APOB: variants seen among roughly 807,000 people sequenced by gnomAD.
APOB encodes apolipoprotein B, also known as apolipoprotein B-100.
A neutral mutation model predicts 314.1 loss-of-function variants in APOB; 153 were observed. The ratio of observed to expected loss-of-function variants is 0.49; its 90% CI spans 0.43 to 0.56. The LOEUF (loss-of-function observed/expected upper bound fraction) is 0.56, where lower values mean the gene tolerates loss of function less well. APOB is among the 20% of genes least tolerant of loss of function. The pLI is 0.00. For missense variants in APOB, 5,430 were observed against 5,350.7 expected, an observed-to-expected ratio of 1.01 and a Z score of -0.46; for synonymous variants, 2,087 against 2,036.4, an observed-to-expected ratio of 1.02 and a Z score of -0.67.
At chr2:21,014,322 T>G in intron 24 of APOB, 126 bp downstream of exon 24, 1 of 1,146,972 alleles carries the variant, frequency 8.7e-7, no homozygotes, top group Non-Finnish European at 1.2e-6. Flanking sequence ...GTGCTATAGT[T>G]ATTAATCTCC....
chr2:21,009,263 G>A lies in APOB; in HGVS notation c.7605C>T (p.Tyr2535=), dbSNP rs1553383473. 3.7e-6 allele frequency: 6 copies of A among 1,614,064 alleles called. No individual in the cohort carries two copies. Among genetic ancestry groups the A allele is most frequent in the South Asian group, 2.2e-5 (2 of 91,082 alleles). Residue 2535 remains tyrosine, a synonymous_variant, in exon 26 of 29, where the codon TAC becomes TAT. Coordinates refer to ENST00000233242, the MANE Select transcript of APOB (RefSeq NM_000384.3). ...TATAAACCTGGCCTACCAGAGACAGGTATCGTTGAAGTTCCTGCTGAATGT... is the reference window on the plus strand; with the variant it reads ...TATAAACCTGGCCTACCAGAGACAGATATCGTTGAAGTTCCTGCTGAATGT... The part of the protein sequence containing the change: ...QMDIQQELQR[Y]LSLVGQVYST...
Position 21,015,351 on chromosome 2 carries a change from C to CAGGG in APOB, c.3508+15_3508+18dup, listed in dbSNP as rs769906394. On this transcript the variant is annotated intron_variant, in intron 22 of 28. Coordinates refer to ENST00000233242, the MANE Select transcript of APOB (RefSeq NM_000384.3). Reference sequence around the variant, plus strand: ...CTGCATTACTTTGGAAGTGCTCACACAGGGGAAGAGACACATACCATAATG... The same window carrying CAGGG: ...CTGCATTACTTTGGAAGTGCTCACACAGGGAGGGGAAGAGACACATACCATAATG... 32 of 1,614,042 alleles carry CAGGG rather than the reference C, an allele frequency of 2.0e-5. No homozygotes were observed. In the South Asian group the frequency reaches 3.5e-4, roughly 18 times the overall value.
Position 21,005,941 on chromosome 2 carries a change from A to T in APOB, c.10927T>A (p.Ser3643Thr). The T allele has an allele frequency of 6.2e-7, 1 of 1,613,828 alleles. No homozygotes were observed. Among genetic ancestry groups the T allele is most frequent in the African/African-American group, 1.3e-5 (1 of 74,996 alleles). Residue 3643 changes from serine to threonine, a missense_variant, in exon 26 of 29, where the codon TCT (serine) becomes ACT (threonine). By Grantham distance (58) the Ser-to-Thr change is moderately conservative (BLOSUM62 1). Coordinates refer to ENST00000233242, the MANE Select transcript of APOB (RefSeq NM_000384.3). ...WKNEVRIHSG[S>T]FQSQVELSND... ...GAAAGCTCGACCTGGCTCTGGAAAGACCCAGAATGAATCCGGACTTCATTT... is the reference window on the plus strand; with the variant it reads ...GAAAGCTCGACCTGGCTCTGGAAAGTCCCAGAATGAATCCGGACTTCATTT...
chr2:21,028,053 T>G lies in APOB; in HGVS notation c.1842A>C (p.Leu614Phe). 6.2e-7 allele frequency: 1 copy of G among 1,608,292 alleles called. No individual in the cohort carries two copies. The highest frequency in any genetic ancestry group is 1.1e-5 in the South Asian group (1 of 90,882). ...EELDIQDLKKLVKEALKESQL... is the reference protein window; with the variant it reads ...EELDIQDLKKFVKEALKESQL... ...GAGATTCTTTCAGAGCTTCTTTCAC[T>G]AACTTTTTCAGACTAGATAAGAAGA... The change falls in exon 14 of 29, where the codon TTA becomes TTC. Residue 614 changes from leucine (L) to phenylalanine (F), a missense_variant. Coordinates refer to ENST00000233242, the MANE Select transcript of APOB (RefSeq NM_000384.3).
rs749245462 is a variant in APOB at position 21,003,137 on chromosome 2, G to A, written c.12285C>T (p.Leu4095=). 3.7e-6 allele frequency: 6 copies of A among 1,611,862 alleles called. No individual in the cohort carries two copies. Among genetic ancestry groups the A allele is most frequent in the South Asian group, 3.3e-5 (3 of 90,890 alleles). Reference sequence around the variant, plus strand: ...GCTTTGAAGACACTTCTCTCAGGGTGAGCCCTGTGTGTTCCCAGTGGTACT... The same window carrying A: ...GCTTTGAAGACACTTCTCTCAGGGTAAGCCCTGTGTGTTCCCAGTGGTACT... The part of the protein sequence containing the change: ...VNKYHWEHTG[L]TLREVSSKLR... The change falls in exon 29 of 29, where the codon CTC becomes CTT. Residue 4095 remains leucine, a synonymous_variant. Coordinates refer to ENST00000233242, the MANE Select transcript of APOB (RefSeq NM_000384.3).
At chr2:21,032,716 T>A (rs1289870017) in intron 9 of APOB, 135 bp from the exon 10 acceptor site, 2 of 736,786 alleles carry the variant, frequency 2.7e-6, no homozygotes, top group Admixed American at 2.0e-5. Flanking sequence ...AAACCCAACT[T>A]GGAGCTCAGA....
intron 26 of APOB, 82 bp downstream of exon 26, chr2:21,004,998 C>G: frequency 6.4e-7 from 1 of 1,556,462 alleles, no homozygotes; most frequent in Non-Finnish European, 8.8e-7. Context: ...TACATCTACT[C>G]ACAACTAAAT....
chr2:21,037,825 C>T (rs556826178), intron 5 of APOB, 133 bp downstream of exon 5: 48 of 1,172,108 alleles, frequency 4.1e-5, no homozygotes, highest in African/African-American at 1.2e-4. Context: ...CAGTATTTCA[C>T]GCCAATCCAG....
chr2:21,037,320 G>A, intron 5 of APOB, 65 bp from the exon 6 acceptor site: 2 of 1,499,346 alleles, frequency 1.3e-6, no homozygotes, highest in South Asian at 1.2e-5. Context: ...TACTTGGGAG[G>A]GATGGGGTGG....
At position 21,029,661 on chromosome 2, in the gene APOB, C is replaced by T. The variant is rs753831464; in HGVS notation, c.1595G>A (p.Arg532Gln). ...TACCTTGTCTTTAGGCTCCATTTTC[C>T]GCAGAGCCTGGATGGCAGCTTTCTG... ...MIQKAAIQAL[R>Q]KMEPKDKDQE... Residue 532 changes from arginine (R) to glutamine (Q), a missense_variant, in exon 12 of 29, where the codon CGG becomes CAG. Arg to Gln is a conservative substitution (Grantham distance 43, BLOSUM62 1). Transcript: ENST00000233242. 28 of 1,614,072 alleles carry T rather than the reference C, an allele frequency of 1.7e-5. No individual in the cohort carries two copies. Among genetic ancestry groups the T allele is most frequent in the South Asian group, 1.2e-4 (11 of 91,078 alleles).
rs1252393667 is a variant in APOB, at chr2:21,013,339, T to C, written c.4037A>G (p.Tyr1346Cys). ...QVPTFTIPKL[Y>C]QLQVPLLGVL... ...ACCCAGGAGAGGCACTTGCAGTTGATACAACTTGGGAATGGTAAAAGTAGG... is the reference window on the plus strand; with the variant it reads ...ACCCAGGAGAGGCACTTGCAGTTGACACAACTTGGGAATGGTAAAAGTAGG... The change falls in exon 25 of 29, where the codon TAT becomes TGT. Residue 1346 changes from tyrosine (Y) to cysteine (C), a missense_variant. Transcript: ENST00000233242. 3 of 1,614,162 alleles carry C rather than the reference T, an allele frequency of 1.9e-6. No homozygotes were observed. Among genetic ancestry groups the C allele is most frequent in the East Asian group, 4.5e-5 (2 of 44,886 alleles).
chr2:21,005,811 T>A lies in APOB; in HGVS notation c.11057A>T (p.Asp3686Val), dbSNP rs1290646760. ...ILPVYDKSLW[D>V]FLKLDVTTSI... ...GGTGGTTACATCCAGCTTTAGGAAA[T>A]CCCATAAGCTCTTGTCATAGACTGG... Residue 3686 changes from aspartate (D) to valine (V), a missense_variant, in exon 26 of 29, where the codon GAT (aspartate) becomes GTT (valine). Transcript: ENST00000233242. 5 of 1,613,886 alleles carry A rather than the reference T, an allele frequency of 3.1e-6. No individual in the cohort carries two copies. Among genetic ancestry groups the A allele is most frequent in the African/African-American group, 2.7e-5 (2 of 74,884 alleles).
chr2:21,027,770 T>C, intron 14 of APOB, 58 bp downstream of exon 14: 1 of 1,350,852 alleles, frequency 7.4e-7, no homozygotes, highest in Non-Finnish European at 1.1e-6. Flanking sequence ...TCCCAGGGAC[T>C]CTCTGTTTAT....
intron 9 of APOB, among the ~76,000 whole-genome samples, chr2:21,033,015 T>C (rs993454778): frequency 2.0e-5 from 3 of 152,192 alleles, no homozygotes; most frequent in African/African-American, 7.2e-5. Flanking sequence ...GCACCTGCAA[T>C]AGACCTAGGA....
Position 21,011,196 on chromosome 2 carries a change from T to G in APOB, c.5672A>C (p.His1891Pro), listed in dbSNP as rs1663309781. The change falls in exon 26 of 29, where the codon CAT becomes CCT. Residue 1891 changes from histidine to proline, a missense_variant. His to Pro is a moderately conservative substitution (Grantham distance 77). Around this residue, in one of 3 missense-constraint regions of APOB, gnomAD observed 3,281 missense variants for 3,171.0 expected, o/e 1.03. Coordinates refer to ENST00000233242, the MANE Select transcript of APOB (RefSeq NM_000384.3). ...MSTNYNSDSL[H>P]FSNVFRSVMA... ...TACAGAACGGAAGACATTGCTGAAA[T>G]GCAGTGAGTCTGAATTATAGTTTGT... 1 of 1,614,052 alleles carries G rather than the reference T, an allele frequency of 6.2e-7. No individual in the cohort carries two copies. Among genetic ancestry groups the G allele is most frequent in the African/African-American group, 1.3e-5 (1 of 74,926 alleles).
In APOB at chr2:21,035,566, G is replaced by A. The variant is rs759735209; in HGVS notation, c.818+18C>T. ...TGACCCATTAAATGACAAATCAGGG[G>A]TGCATCACATGACCTACTTGTAGGA... is the stretch of plus-strand genomic sequence containing the variant. On this transcript the variant is annotated intron_variant, in intron 7 of 28. Coordinates refer to ENST00000233242, the MANE Select transcript of APOB (RefSeq NM_000384.3). 9 of 1,613,816 alleles carry A rather than the reference G, an allele frequency of 5.6e-6. No individual in the cohort carries two copies. The highest frequency in any genetic ancestry group is 6.8e-6 in the Non-Finnish European group (8 of 1,179,972).
In APOB at chr2:21,007,711, C is replaced by T; in HGVS notation, c.9157G>A (p.Glu3053Lys). The change falls in exon 26 of 29, where the codon GAA (glutamate) becomes AAA (lysine). Residue 3053 changes from glutamate to lysine, a missense_variant. By Grantham distance (56) the Glu-to-Lys change is moderately conservative (BLOSUM62 1). Transcript: ENST00000233242. The stretch of plus-strand genomic sequence containing the variant: ...GGAAAACGAACTTTCAAATTCCCTT[C>T]ATTGTTTGTGGATGCCGTGATCTCA... ...PFEITASTNN[E>K]GNLKVRFPLR... 1 of 1,614,078 alleles carries T rather than the reference C, an allele frequency of 6.2e-7. No homozygotes were observed. Among genetic ancestry groups the T allele is most frequent in the Non-Finnish European group, 8.5e-7 (1 of 1,179,954 alleles).
intron 25 of APOB, 91 bp from the exon 26 acceptor site, chr2:21,012,742 A>AT (rs1251141567): frequency 1.4e-6 from 2 of 1,428,964 alleles, no homozygotes; most frequent in African/African-American, 1.4e-5. Context: ...ATAAAGCCCC[A>AT]TTTTTCTGGG....
chr2:21,001,645 A>G lies in APOB; in HGVS notation c.*85T>C, dbSNP rs886055569. Reference sequence around the variant, plus strand: ...CAAGGCTGGCTCACTGTATGGTTTTATCAATATAGGCAGTTTGAATTTTTT... The same window carrying G: ...CAAGGCTGGCTCACTGTATGGTTTTGTCAATATAGGCAGTTTGAATTTTTT... On this transcript the variant is annotated 3_prime_UTR_variant, in exon 29 of 29. Transcript: ENST00000233242. 8.0e-6 allele frequency: 11 copies of G among 1,382,010 alleles called. No homozygotes were observed. In the East Asian group the frequency reaches 2.6e-4, roughly 32 times the overall value. 85.6% of individuals were successfully genotyped at this position (1,382,010 alleles called of 1,614,324 possible). A position where few individuals can be genotyped will look rare whatever the true frequency, so the allele number is the denominator to read the frequency against.
Sources: allele counts gnomAD v4.1 joint callset (sites outside exome capture counted in the v4.1 genomes callset), GRCh38; gene constraint gnomAD v4.1.1; regional missense constraint gnomAD v4.1.1; transcripts MANE v1.5; gene names NCBI Gene and HGNC (gene_info 2026-07-23, HGNC 2026-07-21).